The following SLC7A5 variants were observed in gnomAD, a reference collection of about 807,000 sequenced individuals.
SLC7A5 encodes solute carrier family 7 member 5, also known as large neutral amino acids transporter small subunit 1.
Under a neutral mutation model 50.2 loss-of-function variants are expected in SLC7A5, and 23 were observed. The observed-to-expected ratio is 0.46, with a 90% CI of 0.33 to 0.65. The LOEUF (loss-of-function observed/expected upper bound fraction) is 0.65. SLC7A5 is among the 30% of genes least tolerant of loss of function. The probability of loss-of-function intolerance (pLI) is 0.02; values close to 1 mark genes in which losing one functional copy is unlikely to be tolerated. For missense variants in SLC7A5, 578 were observed against 684.4 expected (o/e 0.84, Z 1.73); for synonymous variants, 393 against 330.6 (o/e 1.19, Z -2.05).
intron 1 of SLC7A5, among the ~76,000 whole-genome samples, chr16:87,856,450 C>T (rs973904951): frequency 1.1e-4 from 17 of 152,360 alleles, no homozygotes; most frequent in African/African-American, 1.9e-4. Context: ...GCAGTTCGCA[C>T]GGGGCCGGAG....
rs2055384361 is a variant in SLC7A5, at chr16:87,860,509, T to C, written c.538+8376A>G. ...CGGCAGAACCAACAAATACCTTTCA[T>C]GTACTGACTGATGTCTGCCTGTAAC... On this transcript the variant is annotated intron_variant, in intron 1 of 9. Coordinates refer to ENST00000261622, the MANE Select transcript of SLC7A5 (RefSeq NM_003486.7). The surrounding 1 kb of genome is among the most constrained non-coding windows in gnomAD (Gnocchi z 4.8). Among the ~76,000 whole-genome samples, 1 of 152,120 alleles carries C rather than the reference T, an allele frequency of 6.6e-6. No individual in the cohort carries two copies. Among genetic ancestry groups the C allele is most frequent in the Non-Finnish European group, 1.5e-5 (1 of 68,028 alleles).
Position 87,851,893 on chromosome 16 carries a change from C to T in SLC7A5, c.539-44G>A, listed in dbSNP as rs778774494. On this transcript the variant is annotated intron_variant, in intron 1 of 9. Coordinates refer to ENST00000261622, the MANE Select transcript of SLC7A5 (RefSeq NM_003486.7). ...GCGGTGAGTTCCACGGGCAGACAGA[C>T]GCCAGCTCAGGGGTAGGCTGGGAGG... The T allele has an allele frequency of 2.5e-5, 41 of 1,611,368 alleles. 1 individual carries two copies. The highest frequency in any genetic ancestry group is 1.9e-4 in the Middle Eastern group (1 of 5,180).
chr16:87,848,807 A>G (rs1567494683), intron 2 of SLC7A5, among the ~76,000 whole-genome samples: 1 of 152,206 alleles, frequency 6.6e-6, no homozygotes, highest in African/African-American at 2.4e-5. Flanking sequence ...ATGCGGGGCC[A>G]TGTTCTCATT....
chr16:87,864,392 T>C (rs1366501871), intron 1 of SLC7A5, among the ~76,000 whole-genome samples: 1 of 152,154 alleles, frequency 6.6e-6, no homozygotes, highest in African/African-American at 2.4e-5. Context: ...ACGCCCGGCC[T>C]CTCCTTCACA....
In SLC7A5 at chr16:87,861,668, G is replaced by T. The variant is rs1375383667; in HGVS notation, c.538+7217C>A. On this transcript the variant is annotated intron_variant, in intron 1 of 9. Coordinates refer to ENST00000261622, the MANE Select transcript of SLC7A5 (RefSeq NM_003486.7). The surrounding 1 kb of genome is among the most constrained non-coding windows in gnomAD (Gnocchi z 4.2). ...CTCTCAACCTGGCCTGGGCCCCCGGGGGTCTGCGCAACCCACCCTTCTGTG... is the reference window on the plus strand; with the variant it reads ...CTCTCAACCTGGCCTGGGCCCCCGGTGGTCTGCGCAACCCACCCTTCTGTG... 6.6e-6 allele frequency among the ~76,000 whole-genome samples: 1 copy of T among 152,184 alleles called. No individual in the cohort carries two copies.
intron 1 of SLC7A5, among the ~76,000 whole-genome samples, chr16:87,863,986 A>AAAAAATATAT (rs376938738): frequency 6.0e-4 from 50 of 83,280 alleles, no homozygotes; most frequent in African/African-American, 1.8e-3. Context: ...ATCATTTAAA[A>AAAAAATATAT]ATATATATAT....
intron 1 of SLC7A5, among the ~76,000 whole-genome samples, chr16:87,865,078 C>G (rs2143834428): frequency 6.6e-6 from 1 of 152,298 alleles, no homozygotes; most frequent in Middle Eastern, 3.4e-3. Context: ...ACCTCCCTCT[C>G]TCAGCAGGGT....
chr16:87,836,910 G>A (rs1192797586), intron 7 of SLC7A5: 6 of 520,140 alleles, frequency 1.2e-5, no homozygotes, highest in East Asian at 1.0e-4. Flanking sequence ...GGAGGAAATG[G>A]AGACCACATT....
At chr16:87,843,240 C>G (rs1165785101) in intron 2 of SLC7A5, among the ~76,000 whole-genome samples, 1 of 151,976 alleles carries the variant, frequency 6.6e-6, no homozygotes. Flanking sequence ...GGCGGCTGAT[C>G]CTACACAGAG....
intron 2 of SLC7A5, among the ~76,000 whole-genome samples, chr16:87,845,037 T>G (rs1444692261): frequency 6.6e-6 from 1 of 151,904 alleles, no homozygotes; most frequent in Non-Finnish European, 1.5e-5. Context: ...CCAGGATGCC[T>G]GGAGCCACGG....
At chr16:87,837,652 T>G in intron 7 of SLC7A5, 193 bp downstream of exon 7, 1 of 583,156 alleles carries the variant, frequency 1.7e-6, no homozygotes, top group Non-Finnish European at 3.1e-6. Context: ...GCAGCCACCA[T>G]ATATTATTTT....
chr16:87,838,977 T>C (rs2055048232), intron 5 of SLC7A5, among the ~76,000 whole-genome samples, 160 bp from the exon 6 acceptor site: 1 of 152,224 alleles, frequency 6.6e-6, no homozygotes, highest in Admixed American at 6.5e-5. Flanking sequence ...CTGGGGGGAC[T>C]TCCCAGGACA....
intron 1 of SLC7A5, 21 bp downstream of exon 1, chr16:87,868,864 C>T (rs554760747): frequency 1.3e-6 from 2 of 1,583,096 alleles, no homozygotes; most frequent in African/African-American, 1.3e-5. Context: ...TCCCAACCCC[C>T]GGCCCGCGCC....
chr16:87,848,014 A>T (rs909998040), intron 2 of SLC7A5, among the ~76,000 whole-genome samples: 8 of 152,118 alleles, frequency 5.3e-5, no homozygotes, highest in African/African-American at 1.9e-4. Context: ...AAAGCCATTC[A>T]GCCGGGGTCT....
chr16:87,835,710 G>C (rs924187048), intron 8 of SLC7A5, among the ~76,000 whole-genome samples: 60 of 152,196 alleles, frequency 3.9e-4, no homozygotes, highest in Middle Eastern at 3.4e-3. Context: ...TCCTGACTTT[G>C]TGATCTGCCC....
chr16:87,840,261 C>G (rs1462505695), intron 4 of SLC7A5, among the ~76,000 whole-genome samples, 168 bp downstream of exon 4: 1 of 152,256 alleles, frequency 6.6e-6, no homozygotes, highest in African/African-American at 2.4e-5. Context: ...CTCAAGGACA[C>G]ACGGCCAGAA....
rs747060181 is a variant in SLC7A5, at chr16:87,838,694, G to A, written c.1043+20C>T. ...GAGGCCTGGGCCTCCCTCACCTGTG[G>A]TGGGTCGGGCTGTGCTCACCTGGAG... On this transcript the variant is annotated intron_variant, in intron 6 of 9. Coordinates refer to ENST00000261622, the MANE Select transcript of SLC7A5 (RefSeq NM_003486.7). The A allele has an allele frequency of 1.9e-6, 3 of 1,589,022 alleles. No individual in the cohort carries two copies. Among genetic ancestry groups the A allele is most frequent in the Non-Finnish European group, 1.7e-6 (2 of 1,157,420 alleles).
Position 87,860,162 on chromosome 16 carries a change from C to T in SLC7A5, c.539-8313G>A, listed in dbSNP as rs1224668863. 1.3e-5 allele frequency among the ~76,000 whole-genome samples: 2 copies of T among 151,784 alleles called. No homozygotes were observed. Among genetic ancestry groups the T allele is most frequent in the African/African-American group, 2.4e-5 (1 of 41,270 alleles). On this transcript the variant is annotated intron_variant, in intron 1 of 9. Coordinates refer to ENST00000261622, the MANE Select transcript of SLC7A5 (RefSeq NM_003486.7). The surrounding 1 kb of genome is among the most constrained non-coding windows in gnomAD (Gnocchi z 4.8). ...AGCCTGACCAACATGGTGAAACCCC[C>T]GTCTCTACTAAAAACACAAAATTAG...
intron 1 of SLC7A5, among the ~76,000 whole-genome samples, chr16:87,859,836 G>A (rs2055366701): frequency 6.6e-6 from 1 of 152,172 alleles, no homozygotes; most frequent in Non-Finnish European, 1.5e-5. Flanking sequence ...AGCTACTTGC[G>A]AGGCTGAGGC....
Sources: gnomAD v4.1 joint callset for allele counts (sites outside exome capture counted in the v4.1 genomes callset) on GRCh38, gnomAD v4.1.1 for gene constraint, Gnocchi (gnomAD v3.1) non-coding constraint, MANE v1.5 for transcripts, NCBI Gene and HGNC (gene_info 2026-07-23, HGNC 2026-07-21) for gene names.